Variants in COL25A1 observed in about 807,000 individuals in gnomAD.
The protein encoded by COL25A1 is collagen alpha-1(XXV) chain.
Under a neutral mutation model 128.4 loss-of-function variants are expected in COL25A1, and 103 were observed. The ratio of observed to expected loss-of-function variants is 0.80; its 90% confidence interval spans 0.68 to 0.94. COL25A1 has a LOEUF of 0.94. Ranked by LOEUF, COL25A1 falls within the 40% of genes least tolerant of loss-of-function variation. COL25A1 has a pLI of 0.00. For missense variants in COL25A1, 745 were observed against 840.0 expected (o/e 0.89, Z 1.40); for synonymous variants, 279 against 277.2 (o/e 1.01, Z -0.06).
At chr4:108,908,518 C>A (rs1034407884) in intron 13 of COL25A1, among the ~76,000 whole-genome samples, 1 of 152,144 alleles carries the variant, frequency 6.6e-6, no homozygotes, top group African/African-American at 2.4e-5. Flanking sequence ...AAAGAGAAAA[C>A]CCCTAGCCTG....
intron 27 of COL25A1, 115 bp from the exon 28 acceptor site, chr4:108,846,334 T>A: frequency 2.8e-6 from 2 of 713,626 alleles, no homozygotes; most frequent in Admixed American, 4.5e-5. Context: ...AATGTTGAGA[T>A]GATTCTGATT....
chr4:108,870,950 A>G (rs1210198647), intron 19 of COL25A1, among the ~76,000 whole-genome samples: 1 of 152,238 alleles, frequency 6.6e-6, no homozygotes, highest in East Asian at 1.9e-4. Flanking sequence ...ATTAAAGCAT[A>G]CTAATAAAAG....
intron 3 of COL25A1, among the ~76,000 whole-genome samples, chr4:109,265,005 T>TG (rs1578586032): frequency 7.1e-6 from 1 of 141,170 alleles, no homozygotes; most frequent in South Asian, 2.2e-4. Flanking sequence ...CTATTTATAA[T>TG]GCCTTTTTTT....
chr4:109,164,361 C>T (rs953644080), intron 3 of COL25A1, among the ~76,000 whole-genome samples: 1 of 152,202 alleles, frequency 6.6e-6, no homozygotes, highest in Non-Finnish European at 1.5e-5. Context: ...TACCCTTATA[C>T]CACCATCTCC....
chr4:108,886,486 G>GGGTTTTTTTTTTT (rs1740822796), intron 18 of COL25A1, among the ~76,000 whole-genome samples: 1 of 79,910 alleles, frequency 1.3e-5, no homozygotes, highest in African/African-American at 4.3e-5. Flanking sequence ...GTGTGTGTGT[G>GGGTTTTTTTTTTT]TGTGTGTTTA....
At chr4:108,845,404 C>T (rs1406947086) in intron 28 of COL25A1, among the ~76,000 whole-genome samples, 153 bp from the exon 29 acceptor site, 2 of 152,096 alleles carry the variant, frequency 1.3e-5, no homozygotes, top group African/African-American at 4.8e-5. Flanking sequence ...TGAATTCTAG[C>T]TTAAAATAGC....
intron 32 of COL25A1, among the ~76,000 whole-genome samples, chr4:108,827,534 C>T (rs1346551340): frequency 6.6e-6 from 1 of 152,102 alleles, no homozygotes; most frequent in Non-Finnish European, 1.5e-5. Context: ...AATAAAGTGT[C>T]TTTCTTTTTT....
At chr4:109,228,711 C>T (rs1578494818) in intron 3 of COL25A1, among the ~76,000 whole-genome samples, 1 of 152,112 alleles carries the variant, frequency 6.6e-6, no homozygotes, top group East Asian at 1.9e-4. Flanking sequence ...CCAGGCTTTT[C>T]CTACAATATG....
At chr4:108,994,887 A>C (rs1754603688) in intron 6 of COL25A1, among the ~76,000 whole-genome samples, 1 of 152,198 alleles carries the variant, frequency 6.6e-6, no homozygotes. Context: ...GCCTGTTAGA[A>C]GGAAAACTAA....
At chr4:108,895,483 C>A (rs1397506486) in intron 16 of COL25A1, among the ~76,000 whole-genome samples, 1 of 152,010 alleles carries the variant, frequency 6.6e-6, no homozygotes, top group Non-Finnish European at 1.5e-5. Flanking sequence ...AAGTATGAAT[C>A]CAAGCAAAAG....
intron 19 of COL25A1, among the ~76,000 whole-genome samples, chr4:108,871,917 G>A (rs1160046749): frequency 6.6e-6 from 1 of 152,074 alleles, no homozygotes; most frequent in Admixed American, 6.5e-5. Context: ...ATAAGGCATG[G>A]ATATGTTGAC....
At chr4:108,824,068 C>A in intron 35 of COL25A1, 106 bp downstream of exon 35, 1 of 1,613,198 alleles carries the variant, frequency 6.2e-7, no homozygotes, top group Non-Finnish European at 8.5e-7. Context: ...TTTTGGAGCA[C>A]AGGATGGAGA....
intron 3 of COL25A1, among the ~76,000 whole-genome samples, chr4:109,056,440 A>C (rs1761452039): frequency 6.6e-6 from 1 of 152,136 alleles, no homozygotes; most frequent in Non-Finnish European, 1.5e-5. Context: ...CCTAGAGGAT[A>C]TTTTTTAGAT....
chr4:109,230,165 G>C (rs2126219472), intron 3 of COL25A1, among the ~76,000 whole-genome samples: 2 of 152,172 alleles, frequency 1.3e-5, no homozygotes, highest in South Asian at 2.1e-4. Context: ...ATTCAACATG[G>C]GATTTAGGTG....
At chr4:109,070,900 G>A (rs1426556164) in intron 3 of COL25A1, among the ~76,000 whole-genome samples, 1 of 152,012 alleles carries the variant, frequency 6.6e-6, no homozygotes, top group East Asian at 1.9e-4. Context: ...ATTCCATGGT[G>A]TATATGTGCC....
chr4:109,044,528 T>G (rs1383733918), intron 5 of COL25A1, among the ~76,000 whole-genome samples: 2 of 152,136 alleles, frequency 1.3e-5, no homozygotes, highest in Non-Finnish European at 2.9e-5. Flanking sequence ...CATTTCATAA[T>G]GAAGTGAAAG....
At chr4:108,894,040 C>T (rs943090275) in intron 16 of COL25A1, among the ~76,000 whole-genome samples, 3 of 151,992 alleles carry the variant, frequency 2.0e-5, no homozygotes, top group Admixed American at 6.6e-5. Flanking sequence ...AAAAGAATAA[C>T]AATCTAGTTG....
chr4:109,293,802 A>G (rs1364274499), intron 3 of COL25A1, among the ~76,000 whole-genome samples: 3 of 152,144 alleles, frequency 2.0e-5, no homozygotes, highest in Non-Finnish European at 4.4e-5. Context: ...GTGGCAACTT[A>G]ACATTGAAAT....
intron 3 of COL25A1, among the ~76,000 whole-genome samples, chr4:109,273,552 C>A (rs922169004): frequency 1.3e-5 from 2 of 152,126 alleles, no homozygotes; most frequent in Non-Finnish European, 2.9e-5. Context: ...ACAATATGTT[C>A]TCATATGATT....
Sources: allele counts gnomAD v4.1 joint callset (sites outside exome capture counted in the v4.1 genomes callset), GRCh38; gene constraint gnomAD v4.1.1; transcripts MANE v1.5; gene names NCBI Gene and HGNC (gene_info 2026-07-23, HGNC 2026-07-21).